ANKS1B: variants seen among roughly 807,000 people sequenced by gnomAD.
ANKS1B encodes ankyrin repeat and sterile alpha motif domain containing 1B.
In ANKS1B, 36 loss-of-function variants were observed where a neutral mutation model predicts 148.3. That is an observed-to-expected ratio of 0.24 (90% CI 0.19 to 0.32). The LOEUF is 0.32. Ranked by LOEUF, ANKS1B falls within the 10% of genes least tolerant of loss-of-function variation. ANKS1B has a pLI of 1.00. For missense variants in ANKS1B, 1,157 were observed against 1,542.6 expected, an observed-to-expected ratio of 0.75 and a Z score of 4.19; for synonymous variants, 542 against 560.8, an observed-to-expected ratio of 0.97 and a Z score of 0.47.
chr12:98,745,426 T>G lies in ANKS1B; in HGVS notation c.*313A>C, dbSNP rs1021816255. 9.0e-6 allele frequency: 9 copies of G among 1,001,236 alleles called. No individual in the cohort carries two copies. The African/African-American group carries it at 9.0e-5, about 10-fold the overall frequency. 62.0% of individuals were successfully genotyped at this position (1,001,236 alleles called of 1,614,324 possible). ...AAGAAAAGGTATTATTTTCCCCAAATGAAGCAAAGCAAGTACTGGGGCGGA... is the reference window on the plus strand; with the variant it reads ...AAGAAAAGGTATTATTTTCCCCAAAGGAAGCAAAGCAAGTACTGGGGCGGA... On this transcript the variant is annotated 3_prime_UTR_variant, in exon 27 of 27. Coordinates refer to ENST00000683438, the MANE Select transcript of ANKS1B (RefSeq NM_001352186.2).
chr12:99,184,627 G>A, intron 14 of ANKS1B, among the ~76,000 whole-genome samples: 1 of 152,194 alleles, frequency 6.6e-6, no homozygotes, highest in East Asian at 1.9e-4. Context: ...AGATAGCATA[G>A]TATGTTGTTA....
intron 10 of ANKS1B, among the ~76,000 whole-genome samples, chr12:99,463,155 A>C (rs954240212): frequency 6.6e-6 from 1 of 152,246 alleles, no homozygotes; most frequent in African/African-American, 2.4e-5. Context: ...GGCACTTCAC[A>C]AAAGAAAAGT....
intron 14 of ANKS1B, among the ~76,000 whole-genome samples, chr12:99,156,064 C>T (rs1007569796): frequency 4.6e-5 from 7 of 152,104 alleles, no homozygotes; most frequent in Admixed American, 1.3e-4. Context: ...AATGAAACAT[C>T]GCTTTTCTTT....
intron 17 of ANKS1B, among the ~76,000 whole-genome samples, chr12:99,013,834 A>T (rs2099940859): frequency 6.6e-6 from 1 of 152,170 alleles, no homozygotes. Flanking sequence ...GGAGAACTAC[A>T]GACTTACAAA....
chr12:98,797,829 C>T (rs1356995524), intron 22 of ANKS1B, among the ~76,000 whole-genome samples: 3 of 152,230 alleles, frequency 2.0e-5, no homozygotes, highest in Non-Finnish European at 2.9e-5. Context: ...CCAAAAGCTG[C>T]TCATATAAAA....
At chr12:98,781,954 T>C (rs1440626806) in intron 23 of ANKS1B, among the ~76,000 whole-genome samples, 172 bp downstream of exon 23, 1 of 152,200 alleles carries the variant, frequency 6.6e-6, no homozygotes, top group Non-Finnish European at 1.5e-5. Flanking sequence ...TGAATGTGCT[T>C]AGAGTTTGCA....
At chr12:99,138,305 G>A (rs377099690) in intron 15 of ANKS1B, among the ~76,000 whole-genome samples, 21 of 152,194 alleles carry the variant, frequency 1.4e-4, no homozygotes, top group Admixed American at 5.9e-4. Context: ...TCTAATAGGT[G>A]AATAAATCAT....
chr12:99,017,723 A>C (rs2099943377), intron 17 of ANKS1B, among the ~76,000 whole-genome samples: 1 of 152,190 alleles, frequency 6.6e-6, no homozygotes, highest in Non-Finnish European at 1.5e-5. Context: ...TGATAACTCC[A>C]GTTCTCCCAC....
At chr12:99,780,472 C>T (rs540410301) in intron 5 of ANKS1B, among the ~76,000 whole-genome samples, 34 of 151,404 alleles carry the variant, frequency 2.2e-4, no homozygotes, top group South Asian at 1.7e-3. Context: ...TTAGTAGAGA[C>T]GGGGTTTCAC....
At chr12:99,432,971 T>C (rs1025747885) in intron 11 of ANKS1B, among the ~76,000 whole-genome samples, 1 of 152,114 alleles carries the variant, frequency 6.6e-6, no homozygotes, top group Non-Finnish European at 1.5e-5. Context: ...CATTGGAAGG[T>C]TGAGCAGGTG....
Position 99,189,384 on chromosome 12 carries a change from C to T in ANKS1B, c.2420-34989G>A, listed in dbSNP as rs565884085. Among the ~76,000 whole-genome samples, 281 of 152,122 alleles carry T rather than the reference C, an allele frequency of 1.8e-3. 1 individual carries two copies. The highest frequency in any genetic ancestry group is 3.3e-3 in the Non-Finnish European group (227 of 67,994). On this transcript the variant is annotated intron_variant, in intron 14 of 26. Transcript: ENST00000683438. Reference sequence around the variant, plus strand: ...CTGATACCAAAACCTGGCAGAGAAACAACAAAAAAAGAAAATTTCAGGCCA... The same window carrying T: ...CTGATACCAAAACCTGGCAGAGAAATAACAAAAAAAGAAAATTTCAGGCCA...
chr12:99,686,702 G>A (rs968755228), intron 8 of ANKS1B, among the ~76,000 whole-genome samples: 1 of 152,092 alleles, frequency 6.6e-6, no homozygotes, highest in Non-Finnish European at 1.5e-5. Context: ...AGCATTTTAA[G>A]TAACTCAAAC....
rs1411166007 is a variant in ANKS1B, at chr12:99,544,730, C to T, written c.1273-40089G>A. Among the ~76,000 whole-genome samples the T allele has an allele frequency of 2.6e-5, 4 of 152,256 alleles. No individual in the cohort carries two copies. In the East Asian group the frequency reaches 7.7e-4, roughly 29 times the overall value. On this transcript the variant is annotated intron_variant, in intron 9 of 26. Transcript: ENST00000683438. ...CCCAACCTTAGCTGTGCATGTGGAA[C>T]ATCTGTGAAGCTTTTTAAATGCATA...
intron 8 of ANKS1B, among the ~76,000 whole-genome samples, chr12:99,675,860 T>A (rs530959986): frequency 6.6e-6 from 1 of 152,174 alleles, no homozygotes; most frequent in African/African-American, 2.4e-5. Context: ...TAAAATGTTA[T>A]TGGCATGGGA....
At chr12:99,701,013 A>C (rs2054724345) in intron 8 of ANKS1B, among the ~76,000 whole-genome samples, 1 of 152,186 alleles carries the variant, frequency 6.6e-6, no homozygotes, top group Non-Finnish European at 1.5e-5. Flanking sequence ...ATTTCTACAA[A>C]GGTGACCTTT....
intron 12 of ANKS1B, among the ~76,000 whole-genome samples, chr12:99,272,905 TG>T (rs2077204510): frequency 6.6e-6 from 1 of 152,224 alleles, no homozygotes; most frequent in South Asian, 2.1e-4. Context: ...CACTGATTAT[TG>T]TGCAGTGCTA....
chr12:98,773,221 A>C, intron 24 of ANKS1B, 42 bp from the exon 25 acceptor site: 3 of 1,563,778 alleles, frequency 1.9e-6, no homozygotes, highest in Non-Finnish European at 2.6e-6. Context: ...TCCTCTGCGA[A>C]CCAGCATATA....
chr12:99,342,590 G>T lies in ANKS1B; in HGVS notation c.1756+57041C>A, dbSNP rs547155424. Among the ~76,000 whole-genome samples, 102 of 152,136 alleles carry T rather than the reference G, an allele frequency of 6.7e-4. No homozygotes were observed. In the South Asian group the frequency reaches 0.021, roughly 31 times the overall value. On this transcript the variant is annotated intron_variant, in intron 12 of 26. Coordinates refer to ENST00000683438, the MANE Select transcript of ANKS1B (RefSeq NM_001352186.2). ...ACTGAGATTCCATGATTCCAAAAGA[G>T]GCAGTATATCTTTGTATATTTAGAA...
chr12:99,081,265 G>A (rs1045124126), intron 16 of ANKS1B, among the ~76,000 whole-genome samples: 1 of 151,960 alleles, frequency 6.6e-6, no homozygotes, highest in African/African-American at 2.4e-5. Context: ...ACTGAGCAAA[G>A]CACCTTTTCT....
Sources: gnomAD v4.1 joint callset for allele counts (sites outside exome capture counted in the v4.1 genomes callset) on GRCh38, gnomAD v4.1.1 for gene constraint, MANE v1.5 for transcripts, NCBI Gene and HGNC (gene_info 2026-07-23, HGNC 2026-07-21) for gene names.